FLRT2: variants seen among roughly 807,000 people sequenced by gnomAD.
FLRT2 encodes leucine-rich repeat transmembrane protein FLRT2.
Under a neutral mutation model 40.0 loss-of-function variants are expected in FLRT2, and 15 were observed. The ratio of observed to expected loss-of-function variants is 0.38; its 90% CI spans 0.25 to 0.58. The LOEUF (loss-of-function observed/expected upper bound fraction) is 0.58. Ranked by LOEUF, FLRT2 falls within the 20% of genes least tolerant of loss-of-function variation. The pLI is 0.71. For synonymous variants in FLRT2, 380 were observed against 336.8 expected (o/e 1.13, Z -1.41); for missense variants, 726 against 840.0 (o/e 0.86, Z 1.68).
At chr14:85,604,391 C>T (rs750936210) in intron 1 of FLRT2, among the ~76,000 whole-genome samples, 2 of 152,022 alleles carry the variant, frequency 1.3e-5, no homozygotes, top group South Asian at 2.1e-4. Flanking sequence ...ATTTTATTTA[C>T]GTGACTAGAT....
Position 85,622,634 on chromosome 14 carries a change from C to G in FLRT2, c.1120C>G (p.Pro374Ala), listed in dbSNP as rs932789074. Residue 374 changes from proline (P) to alanine (A), a missense_variant, in exon 2 of 2, where the codon CCA (proline) becomes GCA (alanine). Transcript: ENST00000330753. The stretch of plus-strand genomic sequence containing the variant: ...CGGCCTGCCTCTCTTCACCCCAGCC[C>G]CAAGTACAGCTTCTCCGACCACTCA... The part of the protein sequence containing the change: ...TPGLPLFTPA[P>A]STASPTTQPP... 6.2e-7 allele frequency: 1 copy of G among 1,613,880 alleles called. No individual in the cohort carries two copies. Among genetic ancestry groups the G allele is most frequent in the Admixed American group, 1.7e-5 (1 of 60,012 alleles).
chr14:85,547,667 C>T (rs973872217), intron 1 of FLRT2, among the ~76,000 whole-genome samples: 3 of 152,054 alleles, frequency 2.0e-5, no homozygotes, highest in Admixed American at 2.0e-4. Context: ...GGGTATGAAC[C>T]CCACAAGTCT....
chr14:85,541,688 A>G (rs1279678277), intron 1 of FLRT2, among the ~76,000 whole-genome samples: 1 of 152,168 alleles, frequency 6.6e-6, no homozygotes, highest in Non-Finnish European at 1.5e-5. Context: ...TAATGATTTC[A>G]TTGTCTTACC....
At chr14:85,605,999 C>T (rs572567532) in intron 1 of FLRT2, among the ~76,000 whole-genome samples, 13 of 152,244 alleles carry the variant, frequency 8.5e-5, no homozygotes, top group East Asian at 3.9e-4. Flanking sequence ...CCCCCTCCCC[C>T]GCATATACCA....
rs1309073706 is a variant in FLRT2 at position 85,649,055 on chromosome 14, T to C, written c.*25558T>C. ...AATTTTGATACTCTCCCTGTCAATA[T>C]GCCTATTACCCCAATATAATTTAAG... On this transcript the variant is annotated 3_prime_UTR_variant, in exon 2 of 2. Coordinates refer to ENST00000330753, the MANE Select transcript of FLRT2 (RefSeq NM_013231.6). 2.0e-5 allele frequency: 3 copies of C among 152,146 alleles called. No individual in the cohort carries two copies. The highest frequency in any genetic ancestry group is 2.0e-4 in the Admixed American group (3 of 15,256). 9.4% of individuals were successfully genotyped at this position (152,146 alleles called of 1,614,324 possible).
rs139035627 is a variant in FLRT2 at position 85,591,478 on chromosome 14, A to G, written c.-376-29661A>G. ...CCTTTTCCAGTATAGATATGTTTGA[A>G]GTACATTGTCTTGTGGGAATGCCTT... On this transcript the variant is annotated intron_variant, in intron 1 of 1. Transcript: ENST00000330753. Among the ~76,000 whole-genome samples the G allele has an allele frequency of 6.6e-3, 1,003 of 152,354 alleles. 14 individuals carry two copies. Among genetic ancestry groups the G allele is most frequent in the African/African-American group, 0.023 (960 of 41,588 alleles).
At chr14:85,534,993 G>A (rs1206257217) in intron 1 of FLRT2, among the ~76,000 whole-genome samples, 1 of 152,142 alleles carries the variant, frequency 6.6e-6, no homozygotes, top group Non-Finnish European at 1.5e-5. Flanking sequence ...ATTAATTTTA[G>A]TAAGAGAATC....
intron 1 of FLRT2, among the ~76,000 whole-genome samples, chr14:85,571,980 A>T (rs1289462151): frequency 1.3e-5 from 2 of 152,160 alleles, no homozygotes; most frequent in African/African-American, 4.8e-5. Context: ...AGCCTTGAGA[A>T]CGATCACTAT....
rs553407453 is a variant in FLRT2, at chr14:85,577,716, A to G, written c.-376-43423A>G. On this transcript the variant is annotated intron_variant, in intron 1 of 1. Coordinates refer to ENST00000330753, the MANE Select transcript of FLRT2 (RefSeq NM_013231.6). ...GTCCTCCTGCCTCAGTCTCTCGAGT[A>G]GCTAAGACTACAGGAGTGCAACACT... is the stretch of plus-strand genomic sequence containing the variant. 5.5e-4 allele frequency among the ~76,000 whole-genome samples: 84 copies of G among 152,044 alleles called. 1 individual carries two copies. The highest frequency in any genetic ancestry group is 1.0e-4 in the Non-Finnish European group (7 of 67,994).
At chr14:85,573,691 T>G (rs1243250113) in intron 1 of FLRT2, among the ~76,000 whole-genome samples, 1 of 152,200 alleles carries the variant, frequency 6.6e-6, no homozygotes, top group Non-Finnish European at 1.5e-5. Context: ...GGTTCTATTC[T>G]TGGTTTTGTT....
chr14:85,533,194 C>T (rs1374417327), intron 1 of FLRT2, among the ~76,000 whole-genome samples: 1 of 151,810 alleles, frequency 6.6e-6, no homozygotes, highest in Non-Finnish European at 1.5e-5. Context: ...AGGAGCGGAG[C>T]GCGCCAGAGC....
intron 1 of FLRT2, among the ~76,000 whole-genome samples, chr14:85,571,698 G>A (rs1272145328): frequency 6.6e-6 from 1 of 152,150 alleles, no homozygotes; most frequent in Non-Finnish European, 1.5e-5. Context: ...CTGATTTCCT[G>A]TGTATTTGAT....
At chr14:85,587,303 A>AG (rs1555368491) in intron 1 of FLRT2, among the ~76,000 whole-genome samples, 60 of 147,652 alleles carry the variant, frequency 4.1e-4, no homozygotes, top group Admixed American at 1.3e-3. Context: ...AAAAAAAAAA[A>AG]AAGAAGAAAG....
chr14:85,615,806 C>T (rs1411102535), intron 1 of FLRT2, among the ~76,000 whole-genome samples: 1 of 82,188 alleles, frequency 1.2e-5, no homozygotes, highest in Non-Finnish European at 2.6e-5. Flanking sequence ...GTGCTGAAAC[C>T]ATTAAGATTT....
chr14:85,608,868 A>C (rs900092742), intron 1 of FLRT2, among the ~76,000 whole-genome samples: 14 of 152,126 alleles, frequency 9.2e-5, no homozygotes, highest in African/African-American at 3.1e-4. Context: ...TTTAGATCTA[A>C]TTGTTCAAAA....
rs1333765955 is a variant in FLRT2 at position 85,647,070 on chromosome 14, G to C, written c.*23573G>C. On this transcript the variant is annotated 3_prime_UTR_variant, in exon 2 of 2. Transcript: ENST00000330753. ...GACAAAGTGCATATCTGCTCAAGAT[G>C]GATGTCACTAATGTGCAACTGATCC... 1 of 152,074 alleles carries C rather than the reference G, an allele frequency of 6.6e-6. No individual in the cohort carries two copies. The highest frequency in any genetic ancestry group is 6.6e-5 in the Admixed American group (1 of 15,248). The allele number at this position is 152,074 out of a possible 1,614,324, so 9.4% of individuals were successfully genotyped here.
intron 1 of FLRT2, among the ~76,000 whole-genome samples, chr14:85,610,408 T>A (rs2139350247): frequency 6.6e-6 from 1 of 152,336 alleles, no homozygotes; most frequent in African/African-American, 2.4e-5. Context: ...ATTGGCTAGA[T>A]CCAGGTAGCG....
chr14:85,587,609 T>C (rs1022821408), intron 1 of FLRT2, among the ~76,000 whole-genome samples: 2 of 152,010 alleles, frequency 1.3e-5, no homozygotes, highest in Admixed American at 6.5e-5. Context: ...CACTTTGCCA[T>C]TCCTCAAACC....
chr14:85,620,902 T>C (rs1266965349), intron 1 of FLRT2, among the ~76,000 whole-genome samples: 1 of 152,224 alleles, frequency 6.6e-6, no homozygotes, highest in Non-Finnish European at 1.5e-5. Context: ...AAATTCACAA[T>C]ATGATGGTTG....
Sources: gnomAD v4.1 joint callset for allele counts (sites outside exome capture counted in the v4.1 genomes callset) on GRCh38, gnomAD v4.1.1 for gene constraint, MANE v1.5 for transcripts, NCBI Gene and HGNC (gene_info 2026-07-23, HGNC 2026-07-21) for gene names.